RP1L1: variants seen among roughly 807,000 people sequenced by gnomAD.
The protein encoded by RP1L1 is retinitis pigmentosa 1-like 1 protein.
RP1L1 carries 27 observed loss-of-function variants against 15.7 expected under a neutral mutation model. The ratio of observed to expected loss-of-function variants is 1.72; its 90% confidence interval spans 1.27 to 2.38. RP1L1 has a LOEUF of 2.38. Among genes scored for constraint, RP1L1 ranks in the 30% most tolerant of loss-of-function variants. The pLI, the probability that RP1L1 is intolerant of heterozygous loss-of-function variation, is 0.00. For missense variants in RP1L1, 4,798 were observed against 3,075.9 expected (o/e 1.56, Z -13.24); for synonymous variants, 1,813 against 1,276.7 (o/e 1.42, Z -8.96).
In RP1L1 at chr8:10,611,783, G is replaced by C; in HGVS notation, c.2315C>G (p.Ser772Trp). 1 of 1,613,646 alleles carries C rather than the reference G, an allele frequency of 6.2e-7. No homozygotes were observed. ...TGTGTGGGGAGGTATGGGGGCCGGC[G>C]AGCATGTCCTGGACCCCGCGTCCCC... ...WAGDAGSRTC[S>W]PAPIPPHTSD... Residue 772 changes from serine (S) to tryptophan (W), a missense_variant, in exon 4 of 4, where the codon TCG becomes TGG. Ser to Trp is a radical substitution (Grantham distance 177). Transcript: ENST00000382483.
rs752660948 is a variant in RP1L1, at chr8:10,609,867, A to G, written c.4231T>C (p.Ser1411Pro). 2 of 1,608,386 alleles carry G rather than the reference A, an allele frequency of 1.2e-6. No individual in the cohort carries two copies. Among genetic ancestry groups the G allele is most frequent in the South Asian group, 2.2e-5 (2 of 90,890 alleles). ...TTCCCATCCGGAGAGCTGGCCTCTG[A>G]CAATTCCTGCCCGTGGACGCTTCCT... ...EEGSVHGQEL[S>P]EASSPDGKGS... The change falls in exon 4 of 4, where the codon TCA becomes CCA. Residue 1411 changes from serine (S) to proline (P), a missense_variant. By Grantham distance (74) the Ser-to-Pro change is moderately conservative (BLOSUM62 -1). Coordinates refer to ENST00000382483, the MANE Select transcript of RP1L1 (RefSeq NM_178857.6).
At position 10,611,807 on chromosome 8, in the gene RP1L1, C is replaced by G; in HGVS notation, c.2291G>C (p.Gly764Ala). 6.2e-7 allele frequency: 1 copy of G among 1,613,652 alleles called. No homozygotes were observed. The highest frequency in any genetic ancestry group is 8.5e-7 in the Non-Finnish European group (1 of 1,180,022). ...CGAGCATGTCCTGGACCCCGCGTCC[C>G]CTGCCCACCCGGCAGAGGGAGCGTT... ...PHNAPSAGWA[G>A]DAGSRTCSPA... Residue 764 changes from glycine to alanine, a missense_variant, in exon 4 of 4, where the codon GGG (glycine) becomes GCG (alanine). By Grantham distance (60) the Gly-to-Ala change is moderately conservative. Transcript: ENST00000382483.
rs1204011992 is a variant in RP1L1, at chr8:10,608,594, A to G, written c.5504T>C (p.Ile1835Thr). 1 of 1,613,942 alleles carries G rather than the reference A, an allele frequency of 6.2e-7. No homozygotes were observed. Among genetic ancestry groups the G allele is most frequent in the Non-Finnish European group, 8.5e-7 (1 of 1,179,996 alleles). Residue 1835 changes from isoleucine to threonine, a missense_variant, in exon 4 of 4, where the codon ATA becomes ACA. Coordinates refer to ENST00000382483, the MANE Select transcript of RP1L1 (RefSeq NM_178857.6). ...DPGQSDGAEG[I>T]EAPEAEGEAQ... ...CTCCCCTTCAGCCTCCGGGGCCTCT[A>G]TGCCTTCGGCCCCATCACTCTGTCC...
chr8:10,613,697 G>A (rs1410299106), intron 3 of RP1L1, among the ~76,000 whole-genome samples: 5 of 151,912 alleles, frequency 3.3e-5, no homozygotes, highest in African/African-American at 4.8e-5. Flanking sequence ...GGAAGGCTGA[G>A]GCAGGAGAAT....
rs1045210556 is a variant in RP1L1, at chr8:10,611,211, T to G, written c.2887A>C (p.Asn963His). ...PEAVVREWLD[N>H]IPEEPILMTY... is the part of the protein sequence containing the mutation. ...ATGAGTATGGGCTCTTCTGGAATGT[T>G]GTCCAGCCATTCGCGGACCACAGCC... The change falls in exon 4 of 4, where the codon AAC (asparagine) becomes CAC (histidine). Residue 963 changes from asparagine (N) to histidine (H), a missense_variant. Physicochemically the swap from Asn to His is moderately conservative, Grantham distance 68 (BLOSUM62 1). Coordinates refer to ENST00000382483, the MANE Select transcript of RP1L1 (RefSeq NM_178857.6). 2.5e-6 allele frequency: 4 copies of G among 1,613,020 alleles called. No individual in the cohort carries two copies. The East Asian group carries it at 8.9e-5, about 36-fold the overall frequency.
In RP1L1 at chr8:10,609,134, T is replaced by A; in HGVS notation, c.4964A>T (p.Glu1655Val). 1 of 1,613,492 alleles carries A rather than the reference T, an allele frequency of 6.2e-7. No homozygotes were observed. Among genetic ancestry groups the A allele is most frequent in the Non-Finnish European group, 8.5e-7 (1 of 1,179,806 alleles). ...CACGCAGGCCTCGCAGGGACAGAAC[T>A]CCTCCCCCTCCGCCTCCTCGCCCAG... ...SQLGEEAEGE[E>V]FCPCEACVRK... Residue 1655 changes from glutamate (E) to valine (V), a missense_variant, in exon 4 of 4, where the codon GAG becomes GTG. Transcript: ENST00000382483.
rs773188198 is a variant in RP1L1 at position 10,610,077 on chromosome 8, T to TCCCC, written c.4020_4021insGGGG (p.Thr1341GlyfsTer3). Reference sequence around the variant, plus strand: ...TGTCCTTCTCCTTCTGTTTCTTTAGTTTCCTCTAACTGCACCCCCTCTTCT... The same window carrying TCCCC: ...TGTCCTTCTCCTTCTGTTTCTTTAGTCCCCTTCCTCTAACTGCACCCCCTCTTCT... On this transcript the variant is annotated frameshift_variant, in exon 4 of 4. Coordinates refer to ENST00000382483, the MANE Select transcript of RP1L1 (RefSeq NM_178857.6). LOFTEE classifies it low-confidence loss of function (END_TRUNC). The TCCCC allele has an allele frequency of 5.5e-5, 81 of 1,466,016 alleles. 20 individuals are homozygous for TCCCC. In the East Asian group the frequency reaches 6.7e-4, roughly 12 times the overall value. 90.8% of individuals were successfully genotyped at this position (1,466,016 alleles called of 1,614,324 possible). A position where few individuals can be genotyped will look rare whatever the true frequency, so the allele number is the denominator to read the frequency against.
intron 2 of RP1L1, chr8:10,621,178 G>A (rs1798052611): frequency 6.5e-6 from 1 of 153,050 alleles, no homozygotes; most frequent in Non-Finnish European, 1.5e-5. Context: ...AGGTGAGGTT[G>A]TCACAGCATA....
chr8:10,609,985 C>G lies in RP1L1; in HGVS notation c.4113G>C (p.Gly1371=), dbSNP rs146799763. 2.9e-4 allele frequency: 468 copies of G among 1,613,774 alleles called. 2 individuals are homozygous for G. The African/African-American group carries it at 5.8e-3, about 20-fold the overall frequency. ...CTTCTTTAACTTCCTCTAACTGCACCCCCTCTTCTTGCAGCCCTTCTCCTC... is the reference window on the plus strand; with the variant it reads ...CTTCTTTAACTTCCTCTAACTGCACGCCCTCTTCTTGCAGCCCTTCTCCTC... ...ETGGEGLQEE[G]VQLEEVKEGP... Residue 1371 remains glycine, a synonymous_variant, in exon 4 of 4, where the codon GGG becomes GGC. Coordinates refer to ENST00000382483, the MANE Select transcript of RP1L1 (RefSeq NM_178857.6).
rs760076052 is a variant in RP1L1 at position 10,610,811 on chromosome 8, C to T, written c.3287G>A (p.Arg1096Gln). The T allele has an allele frequency of 9.6e-5, 154 of 1,609,006 alleles. No homozygotes were observed. The highest frequency in any genetic ancestry group is 3.0e-4 in the South Asian group (27 of 91,008). Reference sequence around the variant, plus strand: ...AGACACTTCGGGCACGCTGCTGGGCCGGCCCTGCTTGGAGCCCATCAGCGC... The same window carrying T: ...AGACACTTCGGGCACGCTGCTGGGCTGGCCCTGCTTGGAGCCCATCAGCGC... ...MRALMGSKQG[R>Q]PSSVPEVSRP... Residue 1096 changes from arginine to glutamine, a missense_variant, in exon 4 of 4, where the codon CGG becomes CAG. Arg to Gln is a conservative substitution (Grantham distance 43, BLOSUM62 1). Coordinates refer to ENST00000382483, the MANE Select transcript of RP1L1 (RefSeq NM_178857.6).
chr8:10,631,331 A>T (rs1226717666), intron 1 of RP1L1, among the ~76,000 whole-genome samples: 1 of 51,666 alleles, frequency 1.9e-5, no homozygotes, highest in African/African-American at 4.2e-5. Context: ...ACGCACACAC[A>T]CATGCACACA....
intron 1 of RP1L1, among the ~76,000 whole-genome samples, chr8:10,648,420 C>G (rs750245615): frequency 6.6e-6 from 1 of 152,052 alleles, no homozygotes; most frequent in African/African-American, 2.4e-5. Context: ...AGATTCCCAG[C>G]GTCCCCCTAG....
At position 10,611,001 on chromosome 8, in the gene RP1L1, C is replaced by T; in HGVS notation, c.3097G>A (p.Asp1033Asn). Reference protein sequence around the residue: ...EPEGALLGSSDTGPQSGEGVP... With the variant: ...EPEGALLGSSNTGPQSGEGVP... ...CCCTCTCCTGATTGGGGACCAGTGTCACTACTCCCCAGGAGGGCTCCCTCT... is the reference window on the plus strand; with the variant it reads ...CCCTCTCCTGATTGGGGACCAGTGTTACTACTCCCCAGGAGGGCTCCCTCT... The change falls in exon 4 of 4, where the codon GAC becomes AAC. Residue 1033 changes from aspartate (D) to asparagine (N), a missense_variant. Transcript: ENST00000382483. 2 of 1,612,694 alleles carry T rather than the reference C, an allele frequency of 1.2e-6. No homozygotes were observed. The highest frequency in any genetic ancestry group is 1.7e-6 in the Non-Finnish European group (2 of 1,179,958).
At position 10,636,338 on chromosome 8, in the gene RP1L1, C is replaced by T. The variant is rs554575153; in HGVS notation, c.-19-13118G>A. Among the ~76,000 whole-genome samples the T allele has an allele frequency of 1.7e-4, 26 of 152,346 alleles. No individual in the cohort carries two copies. In the South Asian group the frequency reaches 2.3e-3, roughly 13 times the overall value. ...AAGGGAAAAGGAGCCGGTCTGCAGGCGGCCAGACCCGTCAGCATCCCAGGG... is the reference window on the plus strand; with the variant it reads ...AAGGGAAAAGGAGCCGGTCTGCAGGTGGCCAGACCCGTCAGCATCCCAGGG... On this transcript the variant is annotated intron_variant, in intron 1 of 3. Coordinates refer to ENST00000382483, the MANE Select transcript of RP1L1 (RefSeq NM_178857.6).
intron 2 of RP1L1, among the ~76,000 whole-genome samples, chr8:10,619,013 G>C (rs1174582063): frequency 6.6e-6 from 1 of 152,192 alleles, no homozygotes; most frequent in Non-Finnish European, 1.5e-5. Context: ...TGGGACTACA[G>C]GCACGCACCA....
At chr8:10,627,747 T>C (rs1434636488) in intron 1 of RP1L1, among the ~76,000 whole-genome samples, 4 of 152,120 alleles carry the variant, frequency 2.6e-5, no homozygotes, top group African/African-American at 7.2e-5. Flanking sequence ...CCTAAGCCAA[T>C]TCCTAAACTA....
rs574069510 is a variant in RP1L1, at chr8:10,635,323, C to A, written c.-19-12103G>T. Among the ~76,000 whole-genome samples, 35 of 152,212 alleles carry A rather than the reference C, an allele frequency of 2.3e-4. 1 individual carries two copies. Among genetic ancestry groups the A allele is most frequent in the Non-Finnish European group, 4.3e-4 (29 of 68,042 alleles). On this transcript the variant is annotated intron_variant, in intron 1 of 3. Transcript: ENST00000382483. ...CTAAGAGGGGACCCTTCTGGGCATC[C>A]AGAAATGCTCCCCCACCCCAGGCTA...
At chr8:10,635,037 G>T (rs1798308103) in intron 1 of RP1L1, among the ~76,000 whole-genome samples, 1 of 152,216 alleles carries the variant, frequency 6.6e-6, no homozygotes, top group Non-Finnish European at 1.5e-5. Flanking sequence ...GACAGTGTTT[G>T]TGAGCTTTGC....
Position 10,615,573 on chromosome 8 carries a change from G to C in RP1L1, c.751+873C>G, listed in dbSNP as rs190831543. On this transcript the variant is annotated intron_variant, in intron 3 of 3. Coordinates refer to ENST00000382483, the MANE Select transcript of RP1L1 (RefSeq NM_178857.6). ...TTTGAGGCAGGGTCTCTGTTGCCTA[G>C]GCTGGAGAGCAGTGGCACGATCATG... Among the ~76,000 whole-genome samples, 22 of 152,252 alleles carry C rather than the reference G, an allele frequency of 1.4e-4. No individual in the cohort carries two copies. In the East Asian group the frequency reaches 4.1e-3, roughly 28 times the overall value.
Sources: gnomAD v4.1 joint callset for allele counts (sites outside exome capture counted in the v4.1 genomes callset) on GRCh38, gnomAD v4.1.1 for gene constraint, MANE v1.5 for transcripts, NCBI Gene and HGNC (gene_info 2026-07-23, HGNC 2026-07-21) for gene names.